Variants in PDE1C observed in about 807,000 individuals in gnomAD.
PDE1C encodes dual specificity calcium/calmodulin-dependent 3',5'-cyclic nucleotide phosphodiesterase 1C.
Under a neutral mutation model 93.1 loss-of-function variants are expected in PDE1C, and 62 were observed. The observed-to-expected ratio is 0.67, with a 90% CI of 0.54 to 0.82. PDE1C has a LOEUF of 0.82. Among genes scored for constraint, PDE1C ranks in the 40% least tolerant of loss-of-function variants. The probability of loss-of-function intolerance (pLI) is 0.00; values close to 1 mark genes in which losing one functional copy is unlikely to be tolerated. For missense variants in PDE1C, 742 were observed against 884.6 expected, an observed-to-expected ratio of 0.84 and a Z score of 2.04; for synonymous variants, 325 against 310.1, an observed-to-expected ratio of 1.05 and a Z score of -0.50.
intron 1 of PDE1C, among the ~76,000 whole-genome samples, chr7:32,378,477 G>C (rs990167454): frequency 6.6e-6 from 1 of 152,040 alleles, no homozygotes; most frequent in Non-Finnish European, 1.5e-5. Context: ...AGACCACCAG[G>C]CTAAGAGGAG....
chr7:31,754,425 A>C (rs1345872249), intron 17 of PDE1C, among the ~76,000 whole-genome samples: 2 of 152,232 alleles, frequency 1.3e-5, no homozygotes, highest in Non-Finnish European at 2.9e-5. Context: ...CCACATAAAA[A>C]CCCACACATG....
chr7:32,046,665 A>G (rs1052370722), intron 2 of PDE1C, among the ~76,000 whole-genome samples: 25 of 152,290 alleles, frequency 1.6e-4, no homozygotes, highest in African/African-American at 6.0e-4. Flanking sequence ...GCATGTGACT[A>G]TCAGTATAAT....
rs1207435071 is a variant in PDE1C, at chr7:32,015,126, C to A, written c.128+36428G>T. On this transcript the variant is annotated intron_variant, in intron 2 of 17. Transcript: ENST00000396191. ...TCCTTCCTGCCTTACTTCCCTGTCA[C>A]CTTCCACCATGATTGTAAGTTTCCT... is the stretch of plus-strand genomic sequence containing the variant. Among the ~76,000 whole-genome samples the A allele has an allele frequency of 2.6e-5, 4 of 152,150 alleles. No homozygotes were observed. In the East Asian group the frequency reaches 7.7e-4, roughly 29 times the overall value.
chr7:32,419,159 T>C (rs1277592466), intron 1 of PDE1C, among the ~76,000 whole-genome samples: 5 of 152,188 alleles, frequency 3.3e-5, no homozygotes, highest in Non-Finnish European at 5.9e-5. Context: ...AGGTGATATC[T>C]GAGATGGGCA....
chr7:32,104,233 G>C (rs571430191), intron 3 of PDE1C, among the ~76,000 whole-genome samples: 55 of 152,318 alleles, frequency 3.6e-4, no homozygotes, highest in African/African-American at 1.3e-3. Flanking sequence ...ACAACATCAT[G>C]AAAGTTCGGA....
chr7:32,250,648 G>C (rs1450280469), intron 1 of PDE1C, among the ~76,000 whole-genome samples: 2 of 152,184 alleles, frequency 1.3e-5, no homozygotes, highest in Non-Finnish European at 2.9e-5. Flanking sequence ...TAATGCTGTA[G>C]CCACATCCTC....
At chr7:31,736,844 G>A in the PDE1C span, among the ~76,000 whole-genome samples, 3 of 152,128 alleles carry the variant, frequency 2.0e-5, no homozygotes, top group Non-Finnish European at 2.9e-5. Flanking sequence ...TGGGGAGGCC[G>A]AATCAAGTTT....
intron 2 of PDE1C, among the ~76,000 whole-genome samples, chr7:32,008,934 A>G (rs997655777): frequency 8.5e-4 from 7 of 8,200 alleles, no homozygotes; most frequent in Non-Finnish European, 1.3e-3. Flanking sequence ...ATATCATAAG[A>G]CAAAAAAAAG....
chr7:32,262,457 G>GC (rs774243673), intron 1 of PDE1C, among the ~76,000 whole-genome samples: 3 of 152,212 alleles, frequency 2.0e-5, no homozygotes, highest in African/African-American at 7.2e-5. Context: ...GAGGAGCACT[G>GC]CCGTGCAGCC....
chr7:31,749,577 T>C (rs1437842064), downstream of PDE1C, among the ~76,000 whole-genome samples: 1 of 151,954 alleles, frequency 6.6e-6, no homozygotes, highest in Non-Finnish European at 1.5e-5. Context: ...AAGTGGACCA[T>C]GCTGCACATT....
At chr7:31,885,519 C>T (rs1314148434) in intron 2 of PDE1C, among the ~76,000 whole-genome samples, 1 of 152,198 alleles carries the variant, frequency 6.6e-6, no homozygotes, top group East Asian at 1.9e-4. Flanking sequence ...TGATGAGATA[C>T]TGAATCTCTT....
chr7:31,828,042 C>T (rs1389010001), intron 12 of PDE1C, among the ~76,000 whole-genome samples: 2 of 152,002 alleles, frequency 1.3e-5, no homozygotes, highest in Non-Finnish European at 2.9e-5. Context: ...AAAGTTGGGG[C>T]CCCCTCTTTC....
intron 1 of PDE1C, among the ~76,000 whole-genome samples, chr7:32,305,152 A>T (rs544460245): frequency 4.7e-4 from 72 of 152,276 alleles, no homozygotes; most frequent in Admixed American, 8.5e-4. Context: ...TCTTCCATTC[A>T]TAAGACCCAG....
intron 15 of PDE1C, among the ~76,000 whole-genome samples, chr7:31,812,689 T>G (rs1787703561): frequency 1.3e-5 from 2 of 152,186 alleles, no homozygotes; most frequent in Non-Finnish European, 2.9e-5. Context: ...GTAGTTGCAA[T>G]AGAGACCTTA....
chr7:31,997,705 G>T (rs956050379), intron 2 of PDE1C, among the ~76,000 whole-genome samples: 3 of 152,146 alleles, frequency 2.0e-5, no homozygotes, highest in African/African-American at 7.2e-5. Context: ...CAAGCAGTGG[G>T]ATTACCATTA....
intron 2 of PDE1C, among the ~76,000 whole-genome samples, chr7:32,197,040 T>G (rs1033447272): frequency 6.6e-6 from 1 of 152,196 alleles, no homozygotes; most frequent in Non-Finnish European, 1.5e-5. Context: ...TCTTCAACTT[T>G]TGGTTAATAA....
chr7:31,794,069 C>CAGATAGATAGATAGAT (rs1562807857), intron 16 of PDE1C, among the ~76,000 whole-genome samples: 18 of 134,404 alleles, frequency 1.3e-4, no homozygotes, highest in African/African-American at 3.1e-4. Context: ...GACAGACAGA[C>CAGATAGATAGATAGAT]AGACAGACAG....
At chr7:31,649,872 AACT>A in the PDE1C span, among the ~76,000 whole-genome samples, 7 of 152,220 alleles carry the variant, frequency 4.6e-5, 1 homozygote, top group Non-Finnish European at 8.8e-5. Flanking sequence ...TGTGTTCAGC[AACT>A]ACTGACAGCA....
the PDE1C span, among the ~76,000 whole-genome samples, chr7:31,675,827 G>A: frequency 6.6e-6 from 1 of 152,068 alleles, no homozygotes; most frequent in East Asian, 1.9e-4. Context: ...TTAGCCACTT[G>A]TAAAAGAGAA....
Sources: gnomAD v4.1 joint callset for allele counts (sites outside exome capture counted in the v4.1 genomes callset) on GRCh38, gnomAD v4.1.1 for gene constraint, MANE v1.5 for transcripts, NCBI Gene and HGNC (gene_info 2026-07-23, HGNC 2026-07-21) for gene names.